The following CACNA2D4 variants were observed in gnomAD, a reference collection of about 807,000 sequenced individuals.
CACNA2D4 encodes the protein voltage-dependent calcium channel subunit alpha-2/delta-4.
In CACNA2D4, 157 loss-of-function variants were observed where a neutral mutation model predicts 163.8. That is an observed-to-expected ratio of 0.96 (90% confidence interval 0.84 to 1.09). CACNA2D4 has a LOEUF of 1.09. Ranked by LOEUF, CACNA2D4 falls within the 50% of genes least tolerant of loss-of-function variation. The pLI is 0.00. For missense variants in CACNA2D4, 1,410 were observed against 1,479.9 expected, an observed-to-expected ratio of 0.95 and a Z score of 0.78; for synonymous variants, 598 against 586.9, an observed-to-expected ratio of 1.02 and a Z score of -0.27.
intron 18 of CACNA2D4, among the ~76,000 whole-genome samples, chr12:1,871,656 G>A (rs1454033023): frequency 8.6e-5 from 13 of 151,686 alleles, no homozygotes; most frequent in African/African-American, 2.9e-4. Flanking sequence ...GTGTGTACAC[G>A]TGTGTGCTGC....
intron 6 of CACNA2D4, among the ~76,000 whole-genome samples, chr12:1,900,812 A>G (rs1037697631): frequency 6.6e-6 from 1 of 152,204 alleles, no homozygotes; most frequent in South Asian, 2.1e-4. Flanking sequence ...GAAAATCAAC[A>G]AAGAAACATC....
At chr12:1,846,353 G>A (rs940944199) in intron 24 of CACNA2D4, among the ~76,000 whole-genome samples, 3 of 151,040 alleles carry the variant, frequency 2.0e-5, no homozygotes, top group Middle Eastern at 3.4e-3. Flanking sequence ...AGCCTTCGGG[G>A]AAGGGTTGCC....
intron 6 of CACNA2D4, 67 bp from the exon 7 acceptor site, chr12:1,887,136 T>A: frequency 8.7e-7 from 1 of 1,145,980 alleles, no homozygotes; most frequent in Non-Finnish European, 1.3e-6. Context: ...TGGCTGGGTG[T>A]GGACCCCCAA....
rs10735005 is a variant in CACNA2D4 at position 1,886,237 on chromosome 12, T to G, written c.979A>C (p.Ile327Leu). The G allele has an allele frequency of 6.2e-7, 1 of 1,612,914 alleles. No individual in the cohort carries two copies. Among genetic ancestry groups the G allele is most frequent in the Non-Finnish European group, 8.5e-7 (1 of 1,179,046 alleles). The change falls in exon 8 of 38, where the codon ATT (isoleucine) becomes CTT (leucine). Residue 327 changes from isoleucine to leucine, a missense_variant. By Grantham distance (5) the Ile-to-Leu change is conservative (BLOSUM62 2). Transcript: ENST00000382722. Reference sequence around the variant, plus strand: ...GGCACATTTACCGCTATGATATTAATGAAGTCATTCTCCCCCAGGGTGTCC... The same window carrying G: ...GGCACATTTACCGCTATGATATTAAGGAAGTCATTCTCCCCCAGGGTGTCC... ...ILDTLGENDF[I>L]NIIAYNDYVH...
rs1018673317 is a variant in CACNA2D4, at chr12:1,802,702, G to A, written c.2722-1058C>T. ...TGAAAAATGGCAGCCATCGTTAGGA[G>A]GAGAGGTCCGGGGTCCGGCTTGGCT... On this transcript the variant is annotated intron_variant, in intron 29 of 37. Transcript: ENST00000382722. The surrounding 1 kb of genome is among the most constrained non-coding windows in gnomAD (Gnocchi z 4.7). 6.6e-6 allele frequency among the ~76,000 whole-genome samples: 1 copy of A among 152,240 alleles called. No homozygotes were observed. The highest frequency in any genetic ancestry group is 2.4e-5 in the African/African-American group (1 of 41,458).
At chr12:1,903,571 C>A (rs185228811) in intron 6 of CACNA2D4, among the ~76,000 whole-genome samples, 1 of 151,828 alleles carries the variant, frequency 6.6e-6, no homozygotes, top group East Asian at 1.9e-4. Context: ...TCTGAATGTA[C>A]GTGTCTCAAA....
At chr12:1,822,783 G>A (rs942646110) in intron 26 of CACNA2D4, among the ~76,000 whole-genome samples, 2 of 152,226 alleles carry the variant, frequency 1.3e-5, no homozygotes, top group Non-Finnish European at 2.9e-5. Context: ...GTCCTAGAGG[G>A]CCTGGGTGCC....
intron 16 of CACNA2D4, among the ~76,000 whole-genome samples, chr12:1,876,253 A>G (rs545121629): frequency 6.6e-6 from 1 of 152,246 alleles, no homozygotes; most frequent in African/African-American, 2.4e-5. Context: ...CTGCATTTTC[A>G]TCTTAGGGAT....
intron 14 of CACNA2D4, 67 bp from the exon 15 acceptor site, chr12:1,879,103 TG>T: frequency 3.8e-6 from 5 of 1,320,354 alleles, no homozygotes; most frequent in Non-Finnish European, 2.2e-6. Context: ...GACTGGACCC[TG>T]GGCCTGTCCA....
chr12:1,804,921 C>G (rs1863479758), intron 29 of CACNA2D4, among the ~76,000 whole-genome samples: 1 of 152,258 alleles, frequency 6.6e-6, no homozygotes, highest in Non-Finnish European at 1.5e-5. Context: ...CAATTCCTGG[C>G]TGATAGTTTC....
rs924394785 is a variant in CACNA2D4 at position 1,917,374 on chromosome 12, C to T, written c.227+873G>A. Among the ~76,000 whole-genome samples the T allele has an allele frequency of 3.3e-5, 5 of 152,260 alleles. No homozygotes were observed. Among genetic ancestry groups the T allele is most frequent in the East Asian group, 1.9e-4 (1 of 5,178 alleles). On this transcript the variant is annotated intron_variant, in intron 1 of 37. Coordinates refer to ENST00000382722, the MANE Select transcript of CACNA2D4 (RefSeq NM_172364.5). This position sits in a 1 kb window ranked among gnomAD's most constrained non-coding sequence, Gnocchi z 4.3. ...GGTCAGCAAAGGCTAAGCACAGGCACGGTGTGTCATTTAGGCTCCCTGTCC... is the reference window on the plus strand; with the variant it reads ...GGTCAGCAAAGGCTAAGCACAGGCATGGTGTGTCATTTAGGCTCCCTGTCC...
chr12:1,838,581 T>C (rs1055958565), intron 26 of CACNA2D4, among the ~76,000 whole-genome samples: 4 of 152,232 alleles, frequency 2.6e-5, no homozygotes, highest in African/African-American at 9.6e-5. Context: ...CTGACATTCA[T>C]GCACCCCAGA....
chr12:1,870,491 G>T (rs533945592), intron 18 of CACNA2D4, among the ~76,000 whole-genome samples: 4 of 151,714 alleles, frequency 2.6e-5, no homozygotes, highest in Admixed American at 2.0e-4. Context: ...TAGCTGTTGC[G>T]CTCCAGACAG....
chr12:1,824,697 C>T (rs1422200388), intron 26 of CACNA2D4, among the ~76,000 whole-genome samples: 1 of 152,238 alleles, frequency 6.6e-6, no homozygotes, highest in Admixed American at 6.5e-5. Flanking sequence ...GCTGCGGCAG[C>T]TGCTCTCCAA....
In CACNA2D4 at chr12:1,856,087, CAAT is replaced by C; in HGVS notation, c.2074_2076del (p.Ile692del). ...TGGCTGAGCTTCCGGTGGTCTGGGT[CAAT>C]ATCTGTGATGCAGTAGATCCTGAAA... On this transcript the variant is annotated inframe_deletion, in exon 22 of 38. Coordinates refer to ENST00000382722, the MANE Select transcript of CACNA2D4 (RefSeq NM_172364.5). 6.2e-7 allele frequency: 1 copy of C among 1,613,908 alleles called. No homozygotes were observed. The highest frequency in any genetic ancestry group is 8.5e-7 in the Non-Finnish European group (1 of 1,179,868).
rs78074157 is a variant in CACNA2D4, at chr12:1,795,258, G to A, written c.3309+41C>T. Reference sequence around the variant, plus strand: ...CAGACCCAGGCACAGAGGGTTTGGGGATGAAAATCCAGCCCACCCTCGATC... The same window carrying A: ...CAGACCCAGGCACAGAGGGTTTGGGAATGAAAATCCAGCCCACCCTCGATC... On this transcript the variant is annotated intron_variant, in intron 37 of 37. Transcript: ENST00000382722. 6.1e-5 allele frequency: 97 copies of A among 1,580,384 alleles called. No homozygotes were observed. The East Asian group carries it at 2.1e-3, about 35-fold the overall frequency.
intron 27 of CACNA2D4, 114 bp downstream of exon 27, chr12:1,811,548 G>A (rs1019701438): frequency 8.0e-5 from 86 of 1,076,208 alleles, no homozygotes; most frequent in Non-Finnish European, 6.4e-5. Context: ...GGGGCCGGGA[G>A]GGCATCCTGA....
At chr12:1,831,057 C>T in intron 26 of CACNA2D4, 1 of 1,614,076 alleles carries the variant, frequency 6.2e-7, no homozygotes, top group South Asian at 1.1e-5. Flanking sequence ...CACGGTGCCC[C>T]CAGACGTGCC....
chr12:1,915,661 A>C (rs2429165), intron 1 of CACNA2D4, among the ~76,000 whole-genome samples: 1 of 152,176 alleles, frequency 6.6e-6, no homozygotes, highest in African/African-American at 2.4e-5. Flanking sequence ...TAAGGAGGCC[A>C]CACCTCACCC....
Sources: allele counts gnomAD v4.1 joint callset (sites outside exome capture counted in the v4.1 genomes callset), GRCh38; gene constraint gnomAD v4.1.1; non-coding constraint Gnocchi (gnomAD v3.1); transcripts MANE v1.5; gene names NCBI Gene and HGNC (gene_info 2026-07-23, HGNC 2026-07-21).